Variants in PPP3CA observed in about 807,000 individuals in gnomAD.
PPP3CA encodes CAM-PRP catalytic subunit.
PPP3CA carries 14 observed loss-of-function variants against 66.5 expected under a neutral mutation model. That is an observed-to-expected ratio of 0.21 (90% CI 0.14 to 0.33). The LOEUF is 0.33. PPP3CA is among the 10% of genes least tolerant of loss of function. The pLI, the probability that PPP3CA is intolerant of heterozygous loss-of-function variation, is 1.00. For synonymous variants in PPP3CA, 232 were observed against 226.2 expected (o/e 1.03, Z -0.23); for missense variants, 317 against 639.5 (o/e 0.50, Z 5.44).
At chr4:101,224,144 A>G (rs1180078165) in intron 1 of PPP3CA, among the ~76,000 whole-genome samples, 1 of 151,804 alleles carries the variant, frequency 6.6e-6, no homozygotes, top group Non-Finnish European at 1.5e-5. Flanking sequence ...CCAGGACACT[A>G]TGAGGAATGA....
At chr4:101,345,703 T>G (rs1729960892) in intron 1 of PPP3CA, among the ~76,000 whole-genome samples, 1 of 152,014 alleles carries the variant, frequency 6.6e-6, no homozygotes. Context: ...TGCGACAGAG[T>G]GATCAACCAC....
intron 8 of PPP3CA, among the ~76,000 whole-genome samples, chr4:101,067,668 G>T: frequency 7.2e-6 from 1 of 138,924 alleles, no homozygotes; most frequent in African/African-American, 2.9e-5. Flanking sequence ...GCCTGTTGTG[G>T]GGTGGGGGGA....
chr4:101,058,200 G>A (rs1341772903), intron 10 of PPP3CA, among the ~76,000 whole-genome samples: 1 of 152,070 alleles, frequency 6.6e-6, no homozygotes, highest in Non-Finnish European at 1.5e-5. Context: ...ATAAGTTATA[G>A]ACACATAGGA....
intron 2 of PPP3CA, among the ~76,000 whole-genome samples, chr4:101,170,418 A>C (rs1723839137): frequency 6.6e-6 from 1 of 152,198 alleles, no homozygotes; most frequent in Non-Finnish European, 1.5e-5. Flanking sequence ...GCCACAGTTA[A>C]CTACATAACA....
chr4:101,289,168 C>G (rs958628636), intron 1 of PPP3CA, among the ~76,000 whole-genome samples: 2 of 152,092 alleles, frequency 1.3e-5, no homozygotes, highest in Non-Finnish European at 2.9e-5. Context: ...AAAGTTACAA[C>G]AAAAATAACT....
intron 1 of PPP3CA, among the ~76,000 whole-genome samples, chr4:101,213,700 G>C (rs1281716964): frequency 6.6e-6 from 1 of 152,070 alleles, no homozygotes; most frequent in Non-Finnish European, 1.5e-5. Flanking sequence ...TCGTTTTATA[G>C]ATTAAGAGAG....
chr4:101,104,039 TG>T (rs769146404), intron 3 of PPP3CA, among the ~76,000 whole-genome samples: 1 of 152,088 alleles, frequency 6.6e-6, no homozygotes, highest in Admixed American at 6.6e-5. Context: ...AAGACTGGGG[TG>T]GGGGTAATGC....
At position 101,038,785 on chromosome 4, in the gene PPP3CA, A is replaced by AACTT. The variant is rs745416699; in HGVS notation, c.1241+1693_1241+1696dup. On this transcript the variant is annotated intron_variant, in intron 11 of 13. Transcript: ENST00000394854. ...TGCTCAATCATTATTTACTAAGCTTAACTTACTTTTTTCTGGATAGGATCT... is the reference window on the plus strand; with the variant it reads ...TGCTCAATCATTATTTACTAAGCTTAACTTACTTACTTTTTTCTGGATAGGATCT... 5.9e-5 allele frequency among the ~76,000 whole-genome samples: 9 copies of AACTT among 152,154 alleles called. No homozygotes were observed. In the East Asian group the frequency reaches 1.3e-3, roughly 23 times the overall value.
rs1286364932 is a variant in PPP3CA at position 101,187,512 on chromosome 4, C to A, written c.259+8404G>T. On this transcript the variant is annotated intron_variant, in intron 2 of 13. Transcript: ENST00000394854. ...CAATTTAATGTCTAGCTTTCACCTA[C>A]CTTTGATATATATTTAATAAATATT... 2.6e-5 allele frequency among the ~76,000 whole-genome samples: 4 copies of A among 152,024 alleles called. No individual in the cohort carries two copies. The East Asian group carries it at 7.7e-4, about 29-fold the overall frequency.
At chr4:101,173,969 T>C (rs1357468562) in intron 2 of PPP3CA, among the ~76,000 whole-genome samples, 1 of 151,988 alleles carries the variant, frequency 6.6e-6, no homozygotes, top group Non-Finnish European at 1.5e-5. Context: ...TTAGGATCAC[T>C]TGAGCCCAGG....
At chr4:101,128,938 C>T (rs1290288575) in intron 2 of PPP3CA, among the ~76,000 whole-genome samples, 1 of 152,122 alleles carries the variant, frequency 6.6e-6, no homozygotes, top group Non-Finnish European at 1.5e-5. Flanking sequence ...ACCAGGGAGC[C>T]AAGTGGTCTT....
At chr4:101,112,511 GA>G (rs1721706456) in intron 2 of PPP3CA, among the ~76,000 whole-genome samples, 1 of 152,102 alleles carries the variant, frequency 6.6e-6, no homozygotes, top group South Asian at 2.1e-4. Context: ...GTCTGCTATA[GA>G]AAGACCACCT....
At chr4:101,043,009 T>C (rs919711394) in intron 10 of PPP3CA, among the ~76,000 whole-genome samples, 1 of 152,148 alleles carries the variant, frequency 6.6e-6, no homozygotes, top group African/African-American at 2.4e-5. Flanking sequence ...GAAAATATTC[T>C]GGCTCTCTCC....
intron 3 of PPP3CA, among the ~76,000 whole-genome samples, chr4:101,102,589 A>C (rs1730496080): frequency 6.6e-6 from 1 of 152,068 alleles, no homozygotes; most frequent in East Asian, 1.9e-4. Flanking sequence ...GGTGGGAGAG[A>C]GCTGCCAAGT....
chr4:101,044,024 GT>G (rs1727653596), intron 10 of PPP3CA, among the ~76,000 whole-genome samples: 1 of 152,162 alleles, frequency 6.6e-6, no homozygotes, highest in Non-Finnish European at 1.5e-5. Flanking sequence ...ATCCTGAAAA[GT>G]ACCTTCAATC....
At chr4:101,341,073 CAG>C (rs1729797977) in intron 1 of PPP3CA, among the ~76,000 whole-genome samples, 1 of 151,962 alleles carries the variant, frequency 6.6e-6, no homozygotes, top group Non-Finnish European at 1.5e-5. Flanking sequence ...CTGCTAAAAA[CAG>C]AAATATAAAA....
intron 2 of PPP3CA, among the ~76,000 whole-genome samples, chr4:101,134,001 T>C (rs1009408386): frequency 6.6e-6 from 1 of 152,182 alleles, no homozygotes; most frequent in Non-Finnish European, 1.5e-5. Flanking sequence ...GAGGGAAGGA[T>C]TCCCTATTTA....
At chr4:101,166,021 T>A (rs995631903) in intron 2 of PPP3CA, among the ~76,000 whole-genome samples, 1 of 152,168 alleles carries the variant, frequency 6.6e-6, no homozygotes, top group Non-Finnish European at 1.5e-5. Context: ...TACAACCAGA[T>A]AAAATATGGA....
At position 101,335,867 on chromosome 4, in the gene PPP3CA, A is replaced by G. The variant is rs138177291; in HGVS notation, c.58+10872T>C. Among the ~76,000 whole-genome samples, 402 of 152,302 alleles carry G rather than the reference A, an allele frequency of 2.6e-3. 2 individuals carry two copies. Among genetic ancestry groups the G allele is most frequent in the Admixed American group, 0.021 (319 of 15,296 alleles). On this transcript the variant is annotated intron_variant, in intron 1 of 13. Transcript: ENST00000394854. ...ACTTCTCCATTTTCAAGGGACTCCAATAGACTGACCTGGATTTAAAGGTAG... is the reference window on the plus strand; with the variant it reads ...ACTTCTCCATTTTCAAGGGACTCCAGTAGACTGACCTGGATTTAAAGGTAG...
Sources: allele counts gnomAD v4.1 joint callset (sites outside exome capture counted in the v4.1 genomes callset), GRCh38; gene constraint gnomAD v4.1.1; transcripts MANE v1.5; gene names NCBI Gene and HGNC (gene_info 2026-07-23, HGNC 2026-07-21).